Variants in ADGRV1 observed in about 807,000 individuals in gnomAD.
The protein encoded by ADGRV1 is adhesion G protein-coupled receptor V1, also known as G-protein coupled receptor 98.
ADGRV1 carries 359 observed loss-of-function variants against 596.2 expected under a neutral mutation model. The ratio of observed to expected loss-of-function variants is 0.60; its 90% CI spans 0.55 to 0.66. ADGRV1 has a LOEUF of 0.66. ADGRV1 is among the 30% of genes least tolerant of loss of function. The pLI is 0.00. For synonymous variants in ADGRV1, 2,681 were observed against 2,679.2 expected, an observed-to-expected ratio of 1.00 and a Z score of -0.02; for missense variants, 7,274 against 7,575.6, an observed-to-expected ratio of 0.96 and a Z score of 1.48.
intron 60 of ADGRV1, among the ~76,000 whole-genome samples, chr5:90,776,098 A>C (rs564122479): frequency 6.6e-6 from 1 of 152,314 alleles, no homozygotes; most frequent in African/African-American, 2.4e-5. Context: ...TAGCCAGTTG[A>C]CATAGCTATG....
chr5:90,711,986 A>G (rs543189587), intron 41 of ADGRV1, among the ~76,000 whole-genome samples: 2 of 152,204 alleles, frequency 1.3e-5, no homozygotes, highest in East Asian at 3.9e-4. Context: ...GTATTTTACC[A>G]TGTTGGCCAG....
intron 59 of ADGRV1, among the ~76,000 whole-genome samples, chr5:90,765,470 C>CACACACACACAG (rs546930616): frequency 2.3e-3 from 338 of 149,450 alleles, no homozygotes; most frequent in African/African-American, 7.5e-3. Context: ...CACACACACA[C>CACACACACACAG]AAACTCTAGA....
chr5:90,663,341 T>C (rs1770712163), intron 21 of ADGRV1, among the ~76,000 whole-genome samples: 1 of 151,108 alleles, frequency 6.6e-6, no homozygotes, highest in African/African-American at 2.4e-5. Flanking sequence ...GTGGTTTTGA[T>C]TTGCATTTCT....
chr5:90,719,013 A>G (rs1359026159), intron 43 of ADGRV1, among the ~76,000 whole-genome samples: 4 of 152,160 alleles, frequency 2.6e-5, no homozygotes. Flanking sequence ...ATATATATAT[A>G]CATACATGTA....
chr5:91,149,223 C>G (rs1310591523), intron 87 of ADGRV1, among the ~76,000 whole-genome samples: 1 of 152,106 alleles, frequency 6.6e-6, no homozygotes, highest in East Asian at 1.9e-4. Flanking sequence ...TGGGAGTGCC[C>G]AGGGGCGGAA....
At chr5:90,592,787 G>A (rs1759693009) in intron 1 of ADGRV1, among the ~76,000 whole-genome samples, 2 of 152,186 alleles carry the variant, frequency 1.3e-5, no homozygotes, top group East Asian at 1.9e-4. Context: ...AGTGGGCGAA[G>A]GATATGAACA....
At chr5:90,948,394 T>C (rs1776776367) in intron 83 of ADGRV1, among the ~76,000 whole-genome samples, 1 of 152,162 alleles carries the variant, frequency 6.6e-6, no homozygotes, top group South Asian at 2.1e-4. Flanking sequence ...CATTGAAGTA[T>C]GTTGTATACC....
intron 77 of ADGRV1, among the ~76,000 whole-genome samples, chr5:90,840,136 C>A (rs1324247777): frequency 1.3e-5 from 2 of 152,308 alleles, no homozygotes; most frequent in African/African-American, 2.4e-5. Flanking sequence ...AAACCAATTT[C>A]TTCTACTTCT....
chr5:90,642,620 T>C lies in ADGRV1; in HGVS notation c.2241-16T>C, dbSNP rs2149427775. ...CTGGAAGTAGCGGGTGCCATTTGTC[T>C]CTCTGACTTCTCTAGGGTTAACGTG... On this transcript the variant is annotated splice_polypyrimidine_tract_variant and intron_variant, in intron 11 of 89. Coordinates refer to ENST00000405460, the MANE Select transcript of ADGRV1 (RefSeq NM_032119.4). 4 of 1,607,066 alleles carry C rather than the reference T, an allele frequency of 2.5e-6. No homozygotes were observed. Among genetic ancestry groups the C allele is most frequent in the Non-Finnish European group, 2.5e-6 (3 of 1,177,882 alleles).
intron 41 of ADGRV1, among the ~76,000 whole-genome samples, chr5:90,711,972 T>A (rs1749416678): frequency 6.6e-6 from 1 of 152,076 alleles, no homozygotes; most frequent in African/African-American, 2.4e-5. Context: ...TTTATATTTT[T>A]AGTGTATTTT....
At chr5:90,831,728 A>G (rs115087083) in intron 77 of ADGRV1, among the ~76,000 whole-genome samples, 7,082 of 152,076 alleles carry the variant, frequency 0.047, 581 homozygotes, top group African/African-American at 0.16. Context: ...CCCCACCGCC[A>G]CCACCTTCTC....
intron 71 of ADGRV1, among the ~76,000 whole-genome samples, chr5:90,803,727 GT>G (rs1048550569): frequency 1.2e-4 from 18 of 149,218 alleles, no homozygotes; most frequent in East Asian, 2.0e-4. Context: ...AGAGTAAAAG[GT>G]TTTTTTTTTC....
At position 90,699,790 on chromosome 5, in the gene ADGRV1, C is replaced by T. The variant is rs142034716; in HGVS notation, c.8155+2644C>T. ...TCTGTTTGGCCCAGATGAACTTCAC[C>T]TGAAAACAATATTGTAGCCTCGTCA... On this transcript the variant is annotated intron_variant, in intron 34 of 89. Transcript: ENST00000405460. Among the ~76,000 whole-genome samples the T allele has an allele frequency of 8.5e-3, 1,288 of 152,184 alleles. 7 individuals carry two copies. Among genetic ancestry groups the T allele is most frequent in the South Asian group, 0.046 (220 of 4,810 alleles).
Position 90,724,518 on chromosome 5 carries a change from C to T in ADGRV1, c.9749-314C>T, listed in dbSNP as rs144168262. On this transcript the variant is annotated intron_variant, in intron 45 of 89. Coordinates refer to ENST00000405460, the MANE Select transcript of ADGRV1 (RefSeq NM_032119.4). ...TTCTGGGATTACAGGCGTGAGCCAC[C>T]ATGCCCAGCCACATTTAGTATTTAT... Among the ~76,000 whole-genome samples, 1,475 of 152,296 alleles carry T rather than the reference C, an allele frequency of 9.7e-3. 14 individuals are homozygous for T. Among genetic ancestry groups the T allele is most frequent in the African/African-American group, 0.034 (1,405 of 41,560 alleles).
chr5:91,056,925 A>G (rs1562154778), intron 85 of ADGRV1, among the ~76,000 whole-genome samples: 2 of 152,246 alleles, frequency 1.3e-5, no homozygotes, highest in Non-Finnish European at 2.9e-5. Flanking sequence ...TAAACATAAA[A>G]CAAACAGCAA....
At chr5:90,650,445 G>T (rs1424728358) in intron 17 of ADGRV1, among the ~76,000 whole-genome samples, 2 of 152,004 alleles carry the variant, frequency 1.3e-5, no homozygotes, top group African/African-American at 4.8e-5. Context: ...TGCTATTTTT[G>T]TGTCTTTTTT....
intron 1 of ADGRV1, among the ~76,000 whole-genome samples, chr5:90,585,255 AGAGAATTTTCTGAG>A (rs140207091): frequency 0.12 from 18,527 of 152,134 alleles, 2,181 homozygotes; most frequent in African/African-American, 0.31. Context: ...AAAATCTGAG[AGAGAATTTTCTGAG>A]GAGAATTTTC....
intron 85 of ADGRV1, among the ~76,000 whole-genome samples, chr5:91,006,264 C>T (rs1782268295): frequency 6.6e-6 from 1 of 152,094 alleles, no homozygotes; most frequent in South Asian, 2.1e-4. Flanking sequence ...GGGGCAGATG[C>T]AGGTTTCAAG....
intron 85 of ADGRV1, among the ~76,000 whole-genome samples, chr5:91,011,269 C>T (rs1476289394): frequency 2.6e-5 from 4 of 151,938 alleles, no homozygotes. Context: ...AAAGTCTTCA[C>T]TAAATTGTAT....
Sources: allele counts gnomAD v4.1 joint callset (sites outside exome capture counted in the v4.1 genomes callset), GRCh38; gene constraint gnomAD v4.1.1; transcripts MANE v1.5; gene names NCBI Gene and HGNC (gene_info 2026-07-23, HGNC 2026-07-21).